Variants in LAMA1 observed in about 807,000 individuals in gnomAD.
The protein encoded by LAMA1 is laminin subunit alpha 1.
In LAMA1, 219 loss-of-function variants were observed where a neutral mutation model predicts 348.7. The ratio of observed to expected loss-of-function variants is 0.63; its 90% confidence interval spans 0.56 to 0.70. The LOEUF is 0.70. Ranked by LOEUF, LAMA1 falls within the 30% of genes least tolerant of loss-of-function variation. LAMA1 has a pLI of 0.00. For synonymous variants in LAMA1, 1,487 were observed against 1,491.0 expected (o/e 1.00, Z 0.06); for missense variants, 3,744 against 3,888.0 (o/e 0.96, Z 0.99).
Position 6,983,105 on chromosome 18 carries a change from C to T in LAMA1, c.5790G>A (p.Thr1930=), listed in dbSNP as rs138961424. The T allele has an allele frequency of 5.0e-5, 81 of 1,614,142 alleles. No homozygotes were observed. The highest frequency in any genetic ancestry group is 3.5e-4 in the African/African-American group (26 of 75,042). The change falls in exon 40 of 63, where the codon ACG becomes ACA. Residue 1930 remains threonine, a synonymous_variant. Transcript: ENST00000389658. ...AAGCCACGTCGTTTCCTACCAGGCT[C>T]GTCTCAGTCACAGTCCTGTGAGCAT... ...ARDAHRTVTE[T]SLLSESLVSN...
chr18:7,042,726 T>C (rs1054446124), intron 8 of LAMA1: 8 of 203,844 alleles, frequency 3.9e-5, no homozygotes, highest in Admixed American at 1.1e-4. Flanking sequence ...CTACTAAAAA[T>C]ACAAAAATTA....
At chr18:7,000,124 T>C (rs1600384040) in intron 30 of LAMA1, 127 bp from the exon 31 acceptor site, 1 of 713,634 alleles carries the variant, frequency 1.4e-6, no homozygotes. Flanking sequence ...CATAGCTTTT[T>C]AGAGCTTACA....
At chr18:6,966,052 T>A in intron 49 of LAMA1, 95 bp downstream of exon 49, 1 of 1,359,704 alleles carries the variant, frequency 7.4e-7, no homozygotes, top group Non-Finnish European at 1.0e-6. Context: ...CATATGTACA[T>A]ATTTAATTAG....
Position 6,966,222 on chromosome 18 carries a change from G to C in LAMA1, c.6975C>G (p.Thr2325=). Residue 2325 remains threonine (T), a synonymous_variant, in exon 49 of 63, where the codon ACC becomes ACG. Transcript: ENST00000389658. The part of the protein sequence containing the change: ...YSVVEKSLPA[T]VTQIIMLFNT... ...TAAAAAGCATGATTATCTGGGTCAC[G>C]GTAGCCGGAAGTGACTTCTCCACGA... 1.9e-6 allele frequency: 3 copies of C among 1,613,914 alleles called. No homozygotes were observed. In the South Asian group the frequency reaches 3.3e-5, roughly 18 times the overall value.
At chr18:7,086,969 T>G (rs2058220086) in intron 1 of LAMA1, among the ~76,000 whole-genome samples, 1 of 152,178 alleles carries the variant, frequency 6.6e-6, no homozygotes, top group Non-Finnish European at 1.5e-5. Context: ...TTTTCTCCAT[T>G]CAGTGTGCGC....
rs766538564 is a variant in LAMA1 at position 7,117,749 on chromosome 18, G to T, written c.-29C>A. The T allele has an allele frequency of 6.3e-7, 1 of 1,589,262 alleles. No individual in the cohort carries two copies. The highest frequency in any genetic ancestry group is 8.5e-7 in the Non-Finnish European group (1 of 1,173,752). ...GCCTCCGCCGCCACTCGGTGGGTCT[G>T]GGGAGAAAGCCGCGCGCCCGCCTGG... On this transcript the variant is annotated 5_prime_UTR_variant, in exon 1 of 63. Coordinates refer to ENST00000389658, the MANE Select transcript of LAMA1 (RefSeq NM_005559.4).
At position 6,999,509 on chromosome 18, in the gene LAMA1, C is replaced by T; in HGVS notation, c.4599G>A (p.Gly1533=). 6.2e-7 allele frequency: 1 copy of T among 1,614,078 alleles called. No homozygotes were observed. ...ACTCATCGCACCGGAGCCCCGAGGC[C>T]CCCAGCCTGCAAACGCACTGCCCAG... is the stretch of plus-strand genomic sequence containing the variant. ...RTSGQCVCRL[G]ASGLRCDECE... Residue 1533 remains glycine, a synonymous_variant, in exon 32 of 63, where the codon GGG becomes GGA. Transcript: ENST00000389658.
At chr18:7,026,600 C>T (rs2057944566) in intron 16 of LAMA1, among the ~76,000 whole-genome samples, 1 of 152,210 alleles carries the variant, frequency 6.6e-6, no homozygotes, top group Non-Finnish European at 1.5e-5. Context: ...CTCCCATTGG[C>T]AGTGCTCTGA....
intron 3 of LAMA1, among the ~76,000 whole-genome samples, chr18:7,062,954 A>G (rs2143750024): frequency 6.6e-6 from 1 of 152,264 alleles, no homozygotes; most frequent in African/African-American, 2.4e-5. Context: ...CACGAGCATC[A>G]CACTCAGTGA....
rs773312952 is a variant in LAMA1 at position 7,044,819 on chromosome 18, C to T, written c.879G>A (p.Glu293=). 21 of 1,613,824 alleles carry T rather than the reference C, an allele frequency of 1.3e-5. No homozygotes were observed. The highest frequency in any genetic ancestry group is 1.4e-5 in the Non-Finnish European group (17 of 1,179,844). Reference sequence around the variant, plus strand: ...TACAGCTCTCCCCGCAAGTATTATGCTCACATTGACACTGCAGTTTCTACA... The same window carrying T: ...TACAGCTCTCCCCGCAAGTATTATGTTCACATTGACACTGCAGTTTCTACA... ...ETTKKLQCQC[E]HNTCGESCNR... is the part of the protein sequence containing the mutation. Residue 293 remains glutamate (E), a synonymous_variant, in exon 7 of 63, where the codon GAG becomes GAA. Coordinates refer to ENST00000389658, the MANE Select transcript of LAMA1 (RefSeq NM_005559.4).
chr18:7,102,874 T>C (rs2058296978), intron 1 of LAMA1, among the ~76,000 whole-genome samples: 1 of 152,226 alleles, frequency 6.6e-6, no homozygotes. Context: ...GTTTTAAGGC[T>C]GAATGGAATA....
chr18:6,973,943 A>C (rs1018096810), intron 46 of LAMA1, among the ~76,000 whole-genome samples: 1 of 152,094 alleles, frequency 6.6e-6, no homozygotes, highest in African/African-American at 2.4e-5. Context: ...CTGTGCTTGG[A>C]TAAATTTTTA....
At chr18:6,961,487 C>G in intron 53 of LAMA1, 99 bp downstream of exon 53, 1 of 1,407,474 alleles carries the variant, frequency 7.1e-7, no homozygotes, top group Non-Finnish European at 9.8e-7. Flanking sequence ...CAACCAGGAA[C>G]ACGGTGACAA....
In LAMA1 at chr18:6,995,457, T is replaced by A; in HGVS notation, c.4807-11A>T. On this transcript the variant is annotated splice_polypyrimidine_tract_variant and intron_variant, in intron 33 of 62. Coordinates refer to ENST00000389658, the MANE Select transcript of LAMA1 (RefSeq NM_005559.4). The stretch of plus-strand genomic sequence containing the variant: ...TTTTAATAAAGATTCCTAGGAAGAA[T>A]GGAGGAAACAAATTACAATGCTTCG... The A allele has an allele frequency of 1.4e-6, 2 of 1,389,850 alleles. No homozygotes were observed. The highest frequency in any genetic ancestry group is 2.0e-6 in the Non-Finnish European group (2 of 975,864). 86.1% of individuals were successfully genotyped at this position (1,389,850 alleles called of 1,614,324 possible).
At chr18:7,013,472 A>C (rs1350091084) in intron 23 of LAMA1, among the ~76,000 whole-genome samples, 1 of 152,276 alleles carries the variant, frequency 6.6e-6, no homozygotes, top group Non-Finnish European at 1.5e-5. Context: ...GGAGCCCAAT[A>C]ACCTCACAGG....
intron 29 of LAMA1, among the ~76,000 whole-genome samples, chr18:7,003,887 G>A (rs947690005): frequency 1.3e-5 from 2 of 152,078 alleles, no homozygotes; most frequent in Non-Finnish European, 2.9e-5. Context: ...TTTCCCTGAT[G>A]AGGATAAATT....
Position 6,982,561 on chromosome 18 carries a change from T to C in LAMA1, c.5826A>G (p.Lys1942=), listed in dbSNP as rs1023925730. 4.3e-6 allele frequency: 7 copies of C among 1,613,992 alleles called. No homozygotes were observed. In the Admixed American group the frequency reaches 5.0e-5, roughly 12 times the overall value. The change falls in exon 41 of 63, where the codon AAA becomes AAG. Residue 1942 remains lysine, a synonymous_variant. Coordinates refer to ENST00000389658, the MANE Select transcript of LAMA1 (RefSeq NM_005559.4). ...LLSESLVSNG[K]AAVQRSSRFL... ...ATCTGGAGCTGCGCTGCACGGCCGC[T>C]TTCCCGTTAGAAACAAGGGATTCTG...
chr18:6,956,881 C>G (rs2057581563), intron 55 of LAMA1, 116 bp from the exon 56 acceptor site: 1 of 1,146,988 alleles, frequency 8.7e-7, no homozygotes, highest in Admixed American at 1.9e-5. Flanking sequence ...ATATATTTCT[C>G]TTAGAGTAAC....
intron 61 of LAMA1, among the ~76,000 whole-genome samples, chr18:6,944,019 C>A (rs1293141464): frequency 6.6e-6 from 1 of 151,990 alleles, no homozygotes; most frequent in East Asian, 2.0e-4. Flanking sequence ...GTCATACTTT[C>A]ATTTTTTTTC....
Sources: allele counts gnomAD v4.1 joint callset (sites outside exome capture counted in the v4.1 genomes callset), GRCh38; gene constraint gnomAD v4.1.1; transcripts MANE v1.5; gene names NCBI Gene and HGNC (gene_info 2026-07-23, HGNC 2026-07-21).